The following ZFAND3 variants were observed in gnomAD, a reference collection of about 807,000 sequenced individuals.
ZFAND3 encodes AN1-type zinc finger protein 3.
A neutral mutation model predicts 29.6 loss-of-function variants in ZFAND3; 10 were observed. That is an observed-to-expected ratio of 0.34 (90% CI 0.21 to 0.57). The LOEUF (loss-of-function observed/expected upper bound fraction) is 0.57. Among genes scored for constraint, ZFAND3 ranks in the 20% least tolerant of loss-of-function variants. The pLI is 0.86. For missense variants in ZFAND3, 230 were observed against 304.5 expected (o/e 0.76, Z 1.82); for synonymous variants, 128 against 112.6 (o/e 1.14, Z -0.87).
chr6:38,097,234 C>G (rs949560516), intron 4 of ZFAND3, among the ~76,000 whole-genome samples: 25 of 150,714 alleles, frequency 1.7e-4, no homozygotes, highest in African/African-American at 5.9e-4. Flanking sequence ...CACCAGCACA[C>G]CCGGTTAATT....
At chr6:38,065,717 GAGCCTATGCTTTC>G (rs1263429865) in intron 3 of ZFAND3, among the ~76,000 whole-genome samples, 15 of 152,164 alleles carry the variant, frequency 9.9e-5, no homozygotes, top group Non-Finnish European at 4.4e-5. Flanking sequence ...TTTGGATCTA[GAGCCTATGCTTTC>G]AGTCACTATA....
In ZFAND3 at chr6:37,854,905, T is replaced by C. The variant is rs555244222; in HGVS notation, c.71+34889T>C. Among the ~76,000 whole-genome samples, 3 of 148,956 alleles carry C rather than the reference T, an allele frequency of 2.0e-5. No homozygotes were observed. The South Asian group carries it at 6.3e-4, about 31-fold the overall frequency. ...CTAAAGCTAATAAGTTAGTAATGAG[T>C]ACAGTCTAGGAAGCAAAATTATTAC... is the stretch of plus-strand genomic sequence containing the variant. On this transcript the variant is annotated intron_variant, in intron 1 of 5. Transcript: ENST00000287218.
At chr6:38,139,402 C>T (rs1319456242) in intron 5 of ZFAND3, among the ~76,000 whole-genome samples, 1 of 152,046 alleles carries the variant, frequency 6.6e-6, no homozygotes, top group African/African-American at 2.4e-5. Flanking sequence ...CCACAAATGA[C>T]GCTAAATTAA....
At chr6:38,102,390 T>A (rs865933852) in intron 4 of ZFAND3, among the ~76,000 whole-genome samples, 3 of 152,210 alleles carry the variant, frequency 2.0e-5, no homozygotes, top group South Asian at 2.1e-4. Context: ...CTTGAATTAG[T>A]GTCTCATTCA....
chr6:37,882,006 A>G (rs55679841), intron 1 of ZFAND3, among the ~76,000 whole-genome samples: 32,550 of 152,062 alleles, frequency 0.21, 4,287 homozygotes, highest in African/African-American at 0.36. Flanking sequence ...TCACTTCTTA[A>G]TAGCCAATTT....
At position 37,845,023 on chromosome 6, in the gene ZFAND3, CAAAA is replaced by C. The variant is rs1422440103; in HGVS notation, c.71+25020_71+25023del. 6.1e-5 allele frequency among the ~76,000 whole-genome samples: 5 copies of C among 81,440 alleles called. No homozygotes were observed. In the South Asian group the frequency reaches 1.3e-3, roughly 20 times the overall value. 53.4% of individuals were successfully genotyped at this position (81,440 alleles called of 152,430 possible). ...TGGGCGACAGAGCAAGACTCCGTCT[CAAAA>C]AAAAAAAAAAAAGCAATTATCATCT... On this transcript the variant is annotated intron_variant, in intron 1 of 5. Transcript: ENST00000287218.
At chr6:37,897,491 T>C (rs564681616) in intron 1 of ZFAND3, among the ~76,000 whole-genome samples, 2 of 152,228 alleles carry the variant, frequency 1.3e-5, no homozygotes, top group Middle Eastern at 3.2e-3. Context: ...TATATGTCTC[T>C]TGGAAGAAAT....
Position 38,030,621 on chromosome 6 carries a change from G to A in ZFAND3, c.113-30972G>A, listed in dbSNP as rs374100405. On this transcript the variant is annotated intron_variant, in intron 2 of 5. Coordinates refer to ENST00000287218, the MANE Select transcript of ZFAND3 (RefSeq NM_021943.3). ...AACAATGAACTCCAGAAGGCAGTAGGAAGACATCTTTAAAAGGGGAGAAAG... is the reference window on the plus strand; with the variant it reads ...AACAATGAACTCCAGAAGGCAGTAGAAAGACATCTTTAAAAGGGGAGAAAG... Among the ~76,000 whole-genome samples the A allele has an allele frequency of 2.1e-3, 316 of 152,228 alleles. No homozygotes were observed. The Middle Eastern group carries it at 0.024, about 11-fold the overall frequency.
Position 38,098,799 on chromosome 6 carries a change from G to T in ZFAND3, c.361+16342G>T, listed in dbSNP as rs538382593. Among the ~76,000 whole-genome samples, 38 of 152,264 alleles carry T rather than the reference G, an allele frequency of 2.5e-4. No homozygotes were observed. The South Asian group carries it at 7.7e-3, about 31-fold the overall frequency. On this transcript the variant is annotated intron_variant, in intron 4 of 5. Coordinates refer to ENST00000287218, the MANE Select transcript of ZFAND3 (RefSeq NM_021943.3). Reference sequence around the variant, plus strand: ...TTACAGGCATGAGCCACCGAGCCCGGCCTATCTTAAACACAGTTAAAGTAA... The same window carrying T: ...TTACAGGCATGAGCCACCGAGCCCGTCCTATCTTAAACACAGTTAAAGTAA...
intron 2 of ZFAND3, among the ~76,000 whole-genome samples, chr6:38,054,172 G>A (rs1204433593): frequency 6.7e-6 from 1 of 150,190 alleles, no homozygotes; most frequent in Non-Finnish European, 1.5e-5. Flanking sequence ...CTTGAGCCCA[G>A]GAGTTTGAGA....
At chr6:37,881,225 C>T (rs987676711) in intron 1 of ZFAND3, among the ~76,000 whole-genome samples, 3 of 152,234 alleles carry the variant, frequency 2.0e-5, no homozygotes, top group South Asian at 4.1e-4. Context: ...CTGCACGCCA[C>T]GATGCCCAGC....
At chr6:37,853,412 G>GGAA (rs71542141) in intron 1 of ZFAND3, among the ~76,000 whole-genome samples, 8 of 65,866 alleles carry the variant, frequency 1.2e-4, no homozygotes, top group Non-Finnish European at 2.0e-4. Flanking sequence ...TGAGCCTCAA[G>GGAA]AAAAAAAAAA....
chr6:37,849,749 T>C (rs182460374), intron 1 of ZFAND3, among the ~76,000 whole-genome samples: 11 of 152,264 alleles, frequency 7.2e-5, no homozygotes, highest in East Asian at 5.8e-4. Flanking sequence ...TAAAATGATA[T>C]AGAGTTGTGA....
intron 4 of ZFAND3, among the ~76,000 whole-genome samples, chr6:38,099,483 C>G (rs10456458): frequency 0.47 from 70,956 of 151,970 alleles, 17,257 homozygotes; most frequent in Non-Finnish European, 0.53. Context: ...CACAGAGTTT[C>G]AGAAAGCCAT....
intron 2 of ZFAND3, among the ~76,000 whole-genome samples, chr6:38,040,302 A>C (rs1454495570): frequency 2.0e-5 from 3 of 152,204 alleles, no homozygotes; most frequent in Non-Finnish European, 4.4e-5. Flanking sequence ...TTAACATAAA[A>C]GTACTATCTT....
chr6:37,851,262 C>T (rs1187333670), intron 1 of ZFAND3, among the ~76,000 whole-genome samples: 1 of 151,864 alleles, frequency 6.6e-6, no homozygotes, highest in East Asian at 1.9e-4. Context: ...GCTGGGATTA[C>T]AGGTGTGAGT....
chr6:38,131,610 T>G (rs1765743413), intron 5 of ZFAND3, among the ~76,000 whole-genome samples: 1 of 152,180 alleles, frequency 6.6e-6, no homozygotes, highest in African/African-American at 2.4e-5. Context: ...CTCTCTCACT[T>G]AGAGATTTAT....
chr6:38,124,191 T>G (rs1765586221), intron 5 of ZFAND3, among the ~76,000 whole-genome samples: 1 of 152,204 alleles, frequency 6.6e-6, no homozygotes, highest in Non-Finnish European at 1.5e-5. Flanking sequence ...TGCTGACTGG[T>G]GTATTTGCAA....
intron 1 of ZFAND3, among the ~76,000 whole-genome samples, chr6:37,904,749 A>AATAATAAG (rs1157209756): frequency 2.0e-5 from 3 of 152,194 alleles, no homozygotes; most frequent in Non-Finnish European, 2.9e-5. Context: ...TGTCCCTGCT[A>AATAATAAG]ATAATAAGTA....
Sources: allele counts gnomAD v4.1 joint callset (sites outside exome capture counted in the v4.1 genomes callset), GRCh38; gene constraint gnomAD v4.1.1; transcripts MANE v1.5; gene names NCBI Gene and HGNC (gene_info 2026-07-23, HGNC 2026-07-21).